Variants in COG3 observed in about 807,000 individuals in gnomAD.
The protein encoded by COG3 is conserved oligomeric Golgi complex subunit 3.
Under a neutral mutation model 114.1 loss-of-function variants are expected in COG3, and 32 were observed. The ratio of observed to expected loss-of-function variants is 0.28; its 90% CI spans 0.21 to 0.38. COG3 has a LOEUF of 0.38. COG3 is among the 10% of genes least tolerant of loss of function. The probability of loss-of-function intolerance (pLI) is 1.00; values close to 1 mark genes in which losing one functional copy is unlikely to be tolerated. For synonymous variants in COG3, 352 were observed against 365.7 expected, an observed-to-expected ratio of 0.96 and a Z score of 0.43; for missense variants, 813 against 973.2, an observed-to-expected ratio of 0.84 and a Z score of 2.19.
intron 1 of COG3, among the ~76,000 whole-genome samples, chr13:45,468,914 C>T (rs1885307882): frequency 6.6e-6 from 1 of 152,188 alleles, no homozygotes; most frequent in Non-Finnish European, 1.5e-5. Context: ...ACCACCACAC[C>T]CCTTTTTGAC....
At chr13:45,496,085 C>T (rs1868728330) in intron 12 of COG3, 67 bp from the exon 13 acceptor site, 3 of 1,490,292 alleles carry the variant, frequency 2.0e-6, no homozygotes, top group Admixed American at 1.8e-5. Context: ...TTAGTAACAT[C>T]TTTGCTTGTT....
intron 22 of COG3, among the ~76,000 whole-genome samples, chr13:45,533,807 A>T (rs1001854968): frequency 1.3e-5 from 2 of 152,142 alleles, no homozygotes. Flanking sequence ...CTGTCTCTCC[A>T]TTTGGTGTTG....
intron 19 of COG3, among the ~76,000 whole-genome samples, chr13:45,522,667 G>A (rs1009538636): frequency 6.6e-6 from 1 of 152,114 alleles, no homozygotes; most frequent in African/African-American, 2.4e-5. Context: ...ATGCTCTGTT[G>A]CCTCATTTCC....
At chr13:45,478,168 T>C (rs1015233419) in intron 2 of COG3, among the ~76,000 whole-genome samples, 2 of 150,844 alleles carry the variant, frequency 1.3e-5, no homozygotes, top group African/African-American at 4.8e-5. Context: ...TGTTTGTTTT[T>C]TTCAATCCTT....
chr13:45,513,296 TAC>T (rs869129783), intron 16 of COG3, among the ~76,000 whole-genome samples: 17 of 55,436 alleles, frequency 3.1e-4, no homozygotes, highest in African/African-American at 1.3e-3. Flanking sequence ...ATATAAATTA[TAC>T]ATATAATATA....
At chr13:45,465,396 C>A in intron 1 of COG3, 186 bp downstream of exon 1, 1 of 1,028,832 alleles carries the variant, frequency 9.7e-7, no homozygotes, top group African/African-American at 1.6e-5. Context: ...GCCTGCGACC[C>A]CGACTCTAAT....
Position 45,535,315 on chromosome 13 carries a change from T to G in COG3, c.*584T>G, listed in dbSNP as rs1873479082. 1 of 985,290 alleles carries G rather than the reference T, an allele frequency of 1.0e-6. No individual in the cohort carries two copies. Among genetic ancestry groups the G allele is most frequent in the Non-Finnish European group, 1.2e-6 (1 of 829,930 alleles). 61.0% of individuals were successfully genotyped at this position (985,290 alleles called of 1,614,324 possible). On this transcript the variant is annotated 3_prime_UTR_variant, in exon 23 of 23. Coordinates refer to ENST00000349995, the MANE Select transcript of COG3 (RefSeq NM_031431.4). ...GTGTCATCCTTTCCTCTGTTTGATG[T>G]GAGGTAGTTTAAAGATACAAGGACT...
At chr13:45,520,069 C>T (rs770611216) in intron 19 of COG3, among the ~76,000 whole-genome samples, 5 of 152,068 alleles carry the variant, frequency 3.3e-5, no homozygotes, top group Non-Finnish European at 7.4e-5. Context: ...GCTCGAGCCC[C>T]CAGAGTTTGA....
chr13:45,468,357 C>A (rs572825437), intron 1 of COG3, among the ~76,000 whole-genome samples: 10 of 152,252 alleles, frequency 6.6e-5, no homozygotes, highest in Non-Finnish European at 1.3e-4. Context: ...TGCTATTATT[C>A]TTGTGCTTTC....
chr13:45,491,099 G>T, intron 9 of COG3, 141 bp downstream of exon 9: 1 of 631,076 alleles, frequency 1.6e-6, no homozygotes, highest in East Asian at 2.9e-5. Context: ...TGGGGAGCAA[G>T]GTCACAGACT....
chr13:45,521,601 A>ACACACG (rs1491278234), intron 19 of COG3, among the ~76,000 whole-genome samples: 6 of 151,614 alleles, frequency 4.0e-5, no homozygotes, highest in African/African-American at 1.5e-4. Flanking sequence ...ACACACACAC[A>ACACACG]CGCAACCATT....
At position 45,518,254 on chromosome 13, in the gene COG3, C is replaced by T. The variant is rs1470453883; in HGVS notation, c.1931-508C>T. Among the ~76,000 whole-genome samples the T allele has an allele frequency of 2.6e-5, 4 of 152,174 alleles. No individual in the cohort carries two copies. The South Asian group carries it at 6.2e-4, about 24-fold the overall frequency. On this transcript the variant is annotated intron_variant, in intron 17 of 22. Coordinates refer to ENST00000349995, the MANE Select transcript of COG3 (RefSeq NM_031431.4). ...TCAAGACTAACATTATATTGTATTG[C>T]ATTTGAACATCAATGAGACCTCAGC... is the stretch of plus-strand genomic sequence containing the variant.
intron 16 of COG3, 126 bp from the exon 17 acceptor site, chr13:45,516,017 C>A: frequency 1.6e-6 from 1 of 635,426 alleles, no homozygotes; most frequent in Non-Finnish European, 2.3e-6. Flanking sequence ...CATTGCACAA[C>A]TAAAGAGAAT....
chr13:45,513,274 TATAATATATACATATAAATTATAC>T (rs1871119245), intron 16 of COG3, among the ~76,000 whole-genome samples: 2 of 104,796 alleles, frequency 1.9e-5, no homozygotes, highest in Admixed American at 1.1e-4. Flanking sequence ...ATAAATTATA[TATAATATATACATATAAATTATAC>T]ATATAATATA....
chr13:45,496,915 C>T (rs3014950), intron 13 of COG3, among the ~76,000 whole-genome samples: 107,960 of 151,956 alleles, frequency 0.71, 40,071 homozygotes, highest in Admixed American at 0.81. Flanking sequence ...CCTCGTGATC[C>T]GCCCGCCTCG....
chr13:45,508,386 TTA>T (rs10571584), intron 14 of COG3, among the ~76,000 whole-genome samples: 15 of 109,682 alleles, frequency 1.4e-4, no homozygotes, highest in South Asian at 2.9e-4. Context: ...ATATATATTT[TTA>T]TATATATATA....
intron 8 of COG3, among the ~76,000 whole-genome samples, chr13:45,488,862 T>A (rs915436507): frequency 2.6e-5 from 4 of 151,984 alleles, no homozygotes; most frequent in Non-Finnish European, 5.9e-5. Flanking sequence ...GCTTACTGAC[T>A]TCACTTCCTT....
chr13:45,491,109 T>A (rs1038291479), intron 9 of COG3, 151 bp downstream of exon 9: 3 of 621,966 alleles, frequency 4.8e-6, no homozygotes, highest in Non-Finnish European at 8.3e-6. Flanking sequence ...GGTCACAGAC[T>A]TAGCCAGTTT....
At position 45,491,451 on chromosome 13, in the gene COG3, T is replaced by C. The variant is rs774714336; in HGVS notation, c.1008T>C (p.Leu336=). ...TAAATGATATCCACCAGTGTTACCT[T>C]GATCAGCGGGAGCTCCTTTTGGGCC... ...QLLNDIHQCY[L]DQRELLLGPS... Residue 336 remains leucine (L), a synonymous_variant, in exon 10 of 23, where the codon CTT becomes CTC. Transcript: ENST00000349995. 1.9e-6 allele frequency: 3 copies of C among 1,613,464 alleles called. No homozygotes were observed. The African/African-American group carries it at 4.0e-5, about 22-fold the overall frequency.
Sources: gnomAD v4.1 joint callset for allele counts (sites outside exome capture counted in the v4.1 genomes callset) on GRCh38, gnomAD v4.1.1 for gene constraint, MANE v1.5 for transcripts, NCBI Gene and HGNC (gene_info 2026-07-23, HGNC 2026-07-21) for gene names.